The following LENG9 variants were observed in gnomAD, a reference collection of about 807,000 sequenced individuals.
LENG9 encodes leukocyte receptor cluster (LRC) member 9.
For synonymous variants in LENG9, 410 were observed against 303.9 expected, an observed-to-expected ratio of 1.35 and a Z score of -3.63; for missense variants, 872 against 652.7, an observed-to-expected ratio of 1.34 and a Z score of -3.66.
In LENG9 at chr19:54,462,250, G is replaced by A. The variant is rs755494438; in HGVS notation, c.1277C>T (p.Thr426Ile). ...GGAACCATGGGGCACCTTGGCCACGGTGAGGTGGGGGTGCAGCTGCCCTGG... is the reference window on the plus strand; with the variant it reads ...GGAACCATGGGGCACCTTGGCCACGATGAGGTGGGGGTGCAGCTGCCCTGG... ...QSPGQLHPHL[T>I]VAKVPHGSQV... The change falls in exon 1 of 1, where the codon ACC becomes ATC. Residue 426 changes from threonine (T) to isoleucine (I), a missense_variant. Thr to Ile is a moderately conservative substitution (Grantham distance 89). Transcript: ENST00000611161. 6.2e-7 allele frequency: 1 copy of A among 1,612,262 alleles called. No homozygotes were observed. The highest frequency in any genetic ancestry group is 8.5e-7 in the Non-Finnish European group (1 of 1,178,936).
rs763543917 is a variant in LENG9, at chr19:54,462,879, C to A, written c.648G>T (p.Glu216Asp). ...AATCAGCAGCTGTGCCCAGCGCCCT[C>A]TCCTGGGCCGCCTCCAGCTCTCCGG... ...EEPGELEAAQ[E>D]RALGTAADLG... The change falls in exon 1 of 1, where the codon GAG (glutamate) becomes GAT (aspartate). Residue 216 changes from glutamate (E) to aspartate (D), a missense_variant. Physicochemically the swap from Glu to Asp is conservative, Grantham distance 45. Coordinates refer to ENST00000611161, the MANE Select transcript of LENG9 (RefSeq NM_001301782.2). 1.9e-6 allele frequency: 3 copies of A among 1,612,698 alleles called. No individual in the cohort carries two copies. The highest frequency in any genetic ancestry group is 2.2e-5 in the South Asian group (2 of 91,082).
chr19:54,462,276 A>C lies in LENG9; in HGVS notation c.1251T>G (p.Ser417=). 1 of 1,608,090 alleles carries C rather than the reference A, an allele frequency of 6.2e-7. No individual in the cohort carries two copies. The highest frequency in any genetic ancestry group is 8.5e-7 in the Non-Finnish European group (1 of 1,176,514). Residue 417 remains serine, a synonymous_variant, in exon 1 of 1, where the codon TCT becomes TCG. Coordinates refer to ENST00000611161, the MANE Select transcript of LENG9 (RefSeq NM_001301782.2). ...LEAEGLSTLQ[S]PGQLHPHLTV... ...TGAGGTGGGGGTGCAGCTGCCCTGG[A>C]GACTGTAGTGTACTCAGCCCCTCGG...
chr19:54,463,279 G>T lies in LENG9; in HGVS notation c.248C>A (p.Ala83Asp). ...RIRWDPRLDP[A>D]DFSVGYVDRF... ...GTCGACGTAGCCCACCGAGAAGTCGGCGGGGTCGAGGCGCGGGTCCCAGCG... is the reference window on the plus strand; with the variant it reads ...GTCGACGTAGCCCACCGAGAAGTCGTCGGGGTCGAGGCGCGGGTCCCAGCG... The change falls in exon 1 of 1, where the codon GCC (alanine) becomes GAC (aspartate). Residue 83 changes from alanine to aspartate, a missense_variant. Physicochemically the swap from Ala to Asp is moderately radical, Grantham distance 126 (BLOSUM62 -2). Transcript: ENST00000611161. 6.5e-7 allele frequency: 1 copy of T among 1,540,464 alleles called. No individual in the cohort carries two copies.
At position 54,462,686 on chromosome 19, in the gene LENG9, C is replaced by T. The variant is rs369858693; in HGVS notation, c.841G>A (p.Glu281Lys). ...EAEWGPAAWP[E>K]DKRARLSVAA... is the part of the protein sequence containing the mutation. The stretch of plus-strand genomic sequence containing the variant: ...ACACTAAGGCGGGCCCTTTTGTCCT[C>T]GGGCCAGGCCGCAGGACCCCACTCG... The change falls in exon 1 of 1, where the codon GAG (glutamate) becomes AAG (lysine). Residue 281 changes from glutamate (E) to lysine (K), a missense_variant. Glu to Lys is a moderately conservative substitution (Grantham distance 56). Coordinates refer to ENST00000611161, the MANE Select transcript of LENG9 (RefSeq NM_001301782.2). The T allele has an allele frequency of 1.2e-5, 19 of 1,611,162 alleles. No homozygotes were observed. The highest frequency in any genetic ancestry group is 1.0e-4 in the Admixed American group (6 of 59,990).
In LENG9 at chr19:54,462,663, A is replaced by G. The variant is rs140921744; in HGVS notation, c.864T>C (p.Ser288=). The part of the protein sequence containing the change: ...AWPEDKRARL[S]VAAPCQPRPT... ...GGCGCGGTTGGCAAGGGGCTGCAACACTAAGGCGGGCCCTTTTGTCCTCGG... is the reference window on the plus strand; with the variant it reads ...GGCGCGGTTGGCAAGGGGCTGCAACGCTAAGGCGGGCCCTTTTGTCCTCGG... The change falls in exon 1 of 1, where the codon AGT becomes AGC. Residue 288 remains serine (S), a synonymous_variant. Transcript: ENST00000611161. 1.2e-6 allele frequency: 2 copies of G among 1,612,436 alleles called. No individual in the cohort carries two copies. Among genetic ancestry groups the G allele is most frequent in the South Asian group, 2.2e-5 (2 of 91,088 alleles).
In LENG9 at chr19:54,462,309, C is replaced by A; in HGVS notation, c.1218G>T (p.Arg406Ser). 1 of 1,602,898 alleles carries A rather than the reference C, an allele frequency of 6.2e-7. No individual in the cohort carries two copies. Among genetic ancestry groups the A allele is most frequent in the South Asian group, 1.1e-5 (1 of 89,986 alleles). Residue 406 changes from arginine (R) to serine (S), a missense_variant, in exon 1 of 1, where the codon AGG becomes AGT. By Grantham distance (110) the Arg-to-Ser change is moderately radical. Coordinates refer to ENST00000611161, the MANE Select transcript of LENG9 (RefSeq NM_001301782.2). ...GTGTACTCAGCCCCTCGGCTTCCAG[C>A]CTCTGGCTCAGCACTTGTGCCATGC... is the stretch of plus-strand genomic sequence containing the variant. ...LESMAQVLSQ[R>S]LEAEGLSTLQ...
rs2084609802 is a variant in LENG9 at position 54,462,309 on chromosome 19, C to T, written c.1218G>A (p.Arg406=). 4 of 1,602,780 alleles carry T rather than the reference C, an allele frequency of 2.5e-6. No individual in the cohort carries two copies. Among genetic ancestry groups the T allele is most frequent in the African/African-American group, 1.3e-5 (1 of 74,752 alleles). ...LESMAQVLSQ[R]LEAEGLSTLQ... is the part of the protein sequence containing the mutation. ...GTGTACTCAGCCCCTCGGCTTCCAG[C>T]CTCTGGCTCAGCACTTGTGCCATGC... is the stretch of plus-strand genomic sequence containing the variant. The change falls in exon 1 of 1, where the codon AGG becomes AGA. Residue 406 remains arginine, a synonymous_variant. Coordinates refer to ENST00000611161, the MANE Select transcript of LENG9 (RefSeq NM_001301782.2).
At position 54,461,741 on chromosome 19, in the gene LENG9, C is replaced by T; in HGVS notation, c.*349G>A. On this transcript the variant is annotated 3_prime_UTR_variant, in exon 1 of 1. Coordinates refer to ENST00000611161, the MANE Select transcript of LENG9 (RefSeq NM_001301782.2). ...ACCAGCTCACGTCATGTTGCCTTCTCTTTTCTTTGTGTGTGTGTTTATTTA... is the reference window on the plus strand; with the variant it reads ...ACCAGCTCACGTCATGTTGCCTTCTTTTTTCTTTGTGTGTGTGTTTATTTA... 1.9e-6 allele frequency: 1 copy of T among 522,136 alleles called. No individual in the cohort carries two copies. Among genetic ancestry groups the T allele is most frequent in the Admixed American group, 2.3e-5 (1 of 43,882 alleles). The allele number at this position is 522,136 out of a possible 1,614,324, so 32.3% of individuals were successfully genotyped here. A position where few individuals can be genotyped will look rare whatever the true frequency, so the allele number is the denominator to read the frequency against.
rs764174504 is a variant in LENG9 at position 54,463,183 on chromosome 19, G to A, written c.344C>T (p.Pro115Leu). The A allele has an allele frequency of 3.8e-6, 6 of 1,572,746 alleles. No individual in the cohort carries two copies. The African/African-American group carries it at 8.1e-5, about 21-fold the overall frequency. Residue 115 changes from proline to leucine, a missense_variant, in exon 1 of 1, where the codon CCG becomes CTG. By Grantham distance (98) the Pro-to-Leu change is moderately conservative. Coordinates refer to ENST00000611161, the MANE Select transcript of LENG9 (RefSeq NM_001301782.2). ...CWDQPLAALG[P>L]GVLAVPQHRV... is the part of the protein sequence containing the mutation. ...GTGCTGGGGCACTGCCAGCACGCCC[G>A]GCCCGAGCGCCGCCAGCGGCTGGTC... is the stretch of plus-strand genomic sequence containing the variant.
chr19:54,463,182 C>T lies in LENG9; in HGVS notation c.345G>A (p.Pro115=). ...GGTGCTGGGGCACTGCCAGCACGCCCGGCCCGAGCGCCGCCAGCGGCTGGT... is the reference window on the plus strand; with the variant it reads ...GGTGCTGGGGCACTGCCAGCACGCCTGGCCCGAGCGCCGCCAGCGGCTGGT... ...CWDQPLAALG[P]GVLAVPQHRV... is the part of the protein sequence containing the mutation. The change falls in exon 1 of 1, where the codon CCG becomes CCA. Residue 115 remains proline, a synonymous_variant. Coordinates refer to ENST00000611161, the MANE Select transcript of LENG9 (RefSeq NM_001301782.2). 6.4e-7 allele frequency: 1 copy of T among 1,572,636 alleles called. No homozygotes were observed. Among genetic ancestry groups the T allele is most frequent in the African/African-American group, 1.3e-5 (1 of 74,206 alleles).
In LENG9 at chr19:54,462,716, C is replaced by CTGTCGTCTCAGCGGA; in HGVS notation, c.796_810dup (p.Ser266_Thr270dup). The CTGTCGTCTCAGCGGA allele has an allele frequency of 1.2e-6, 2 of 1,610,968 alleles. No individual in the cohort carries two copies. Among genetic ancestry groups the CTGTCGTCTCAGCGGA allele is most frequent in the Non-Finnish European group, 1.7e-6 (2 of 1,180,008 alleles). On this transcript the variant is annotated inframe_insertion, in exon 1 of 1. Transcript: ENST00000611161. ...CAGGCCGCAGGACCCCACTCGGCTTCTGTCGTCTCAGCGGAGCCCCCCGGG... is the reference window on the plus strand; with the variant it reads ...CAGGCCGCAGGACCCCACTCGGCTTCTGTCGTCTCAGCGGATGTCGTCTCAGCGGAGCCCCCCGGG...
rs2084614133 is a variant in LENG9, at chr19:54,462,407, G to A, written c.1120C>T (p.Arg374Trp). The change falls in exon 1 of 1, where the codon CGG (arginine) becomes TGG (tryptophan). Residue 374 changes from arginine (R) to tryptophan (W), a missense_variant. Coordinates refer to ENST00000611161, the MANE Select transcript of LENG9 (RefSeq NM_001301782.2). ...LLAPGLNAPP[R>W]LSFRKLVLLG... The stretch of plus-strand genomic sequence containing the variant: ...AGGACCAGCTTTCTAAAGCTCAGCC[G>A]AGGGGGTGCATTTAGCCCCGGGGCC... 2 of 1,613,270 alleles carry A rather than the reference G, an allele frequency of 1.2e-6. No homozygotes were observed. Among genetic ancestry groups the A allele is most frequent in the Admixed American group, 1.7e-5 (1 of 59,992 alleles).
At position 54,463,171 on chromosome 19, in the gene LENG9, G is replaced by A. The variant is rs369633910; in HGVS notation, c.356C>T (p.Ala119Val). 26 of 1,582,692 alleles carry A rather than the reference G, an allele frequency of 1.6e-5. No individual in the cohort carries two copies. The African/African-American group carries it at 3.2e-4, about 20-fold the overall frequency. The stretch of plus-strand genomic sequence containing the variant: ...GAAGCGCACGCGGTGCTGGGGCACT[G>A]CCAGCACGCCCGGCCCGAGCGCCGC... ...PLAALGPGVL[A>V]VPQHRVRFFR... Residue 119 changes from alanine to valine, a missense_variant, in exon 1 of 1, where the codon GCA (alanine) becomes GTA (valine). Coordinates refer to ENST00000611161, the MANE Select transcript of LENG9 (RefSeq NM_001301782.2).
Position 54,463,277 on chromosome 19 carries a change from C to A in LENG9, c.250G>T (p.Asp84Tyr), listed in dbSNP as rs149393351. The A allele has an allele frequency of 9.9e-3, 15,291 of 1,540,580 alleles. 100 individuals are homozygous for A. The highest frequency in any genetic ancestry group is 0.012 in the Non-Finnish European group (13,801 of 1,149,318). ...IRWDPRLDPA[D>Y]FSVGYVDRFL... Reference sequence around the variant, plus strand: ...CGGTCGACGTAGCCCACCGAGAAGTCGGCGGGGTCGAGGCGCGGGTCCCAG... The same window carrying A: ...CGGTCGACGTAGCCCACCGAGAAGTAGGCGGGGTCGAGGCGCGGGTCCCAG... Residue 84 changes from aspartate (D) to tyrosine (Y), a missense_variant, in exon 1 of 1, where the codon GAC becomes TAC. By Grantham distance (160) the Asp-to-Tyr change is radical. Coordinates refer to ENST00000611161, the MANE Select transcript of LENG9 (RefSeq NM_001301782.2).
rs761114940 is a variant in LENG9 at position 54,462,867 on chromosome 19, G to A, written c.660C>T (p.Gly220=). ...CCAGTGTTCCCAAATCAGCAGCTGT[G>A]CCCAGCGCCCTCTCCTGGGCCGCCT... The part of the protein sequence containing the change: ...ELEAAQERAL[G]TAADLGTLAP... Residue 220 remains glycine (G), a synonymous_variant, in exon 1 of 1, where the codon GGC becomes GGT. Coordinates refer to ENST00000611161, the MANE Select transcript of LENG9 (RefSeq NM_001301782.2). 3 of 1,612,622 alleles carry A rather than the reference G, an allele frequency of 1.9e-6. No individual in the cohort carries two copies. The highest frequency in any genetic ancestry group is 2.2e-5 in the South Asian group (2 of 91,070).
At position 54,463,404 on chromosome 19, in the gene LENG9, G is replaced by C. The variant is rs1174818611; in HGVS notation, c.123C>G (p.Pro41=). 3 of 1,246,814 alleles carry C rather than the reference G, an allele frequency of 2.4e-6. No individual in the cohort carries two copies. Among genetic ancestry groups the C allele is most frequent in the African/African-American group, 3.1e-5 (2 of 63,946 alleles). 77.2% of individuals were successfully genotyped at this position (1,246,814 alleles called of 1,614,324 possible). ...CAGGCGGCGCCGGCGCCCCAGGGTGGGGCTGGCGGCAGCGGGCGCCGAAGC... is the reference window on the plus strand; with the variant it reads ...CAGGCGGCGCCGGCGCCCCAGGGTGCGGCTGGCGGCAGCGGGCGCCGAAGC... The part of the protein sequence containing the change: ...RCRFGARCRQ[P]HPGAPAPPGR... Residue 41 remains proline (P), a synonymous_variant, in exon 1 of 1, where the codon CCC becomes CCG. Coordinates refer to ENST00000611161, the MANE Select transcript of LENG9 (RefSeq NM_001301782.2).
rs1238531606 is a variant in LENG9 at position 54,463,073 on chromosome 19, C to T, written c.454G>A (p.Ala152Thr). The T allele has an allele frequency of 1.2e-6, 2 of 1,601,826 alleles. No individual in the cohort carries two copies. The highest frequency in any genetic ancestry group is 1.7e-5 in the Admixed American group (1 of 59,906). The change falls in exon 1 of 1, where the codon GCG becomes ACG. Residue 152 changes from alanine to threonine, a missense_variant. Coordinates refer to ENST00000611161, the MANE Select transcript of LENG9 (RefSeq NM_001301782.2). ...TCCAGGATGGTGGGCCCGCGTCCCG[C>T]CGCCGAGCCAGAGCCAAAGACGAGG... is the stretch of plus-strand genomic sequence containing the variant. ...TDLVFGSGSAAGRGPTILDAP... is the reference protein window; with the variant it reads ...TDLVFGSGSATGRGPTILDAP...
Position 54,463,621 on chromosome 19 carries a change from C to A in LENG9, c.-95G>T. The stretch of plus-strand genomic sequence containing the variant: ...TGCACCGAGCCTCACCCGACAGTGG[C>A]GTCAGCGGCCCGCGCTCCGGCCTAG... On this transcript the variant is annotated 5_prime_UTR_variant, in exon 1 of 1. Coordinates refer to ENST00000611161, the MANE Select transcript of LENG9 (RefSeq NM_001301782.2). 1 of 1,262,956 alleles carries A rather than the reference C, an allele frequency of 7.9e-7. No individual in the cohort carries two copies. The highest frequency in any genetic ancestry group is 1.0e-6 in the Non-Finnish European group (1 of 998,156). The allele number at this position is 1,262,956 out of a possible 1,614,324, so 78.2% of individuals were successfully genotyped here. A position where few individuals can be genotyped will look rare whatever the true frequency, so the allele number is the denominator to read the frequency against.
chr19:54,462,784 C>G lies in LENG9; in HGVS notation c.743G>C (p.Arg248Thr). Residue 248 changes from arginine (R) to threonine (T), a missense_variant, in exon 1 of 1, where the codon AGG (arginine) becomes ACG (threonine). By Grantham distance (71) the Arg-to-Thr change is moderately conservative. Coordinates refer to ENST00000611161, the MANE Select transcript of LENG9 (RefSeq NM_001301782.2). ...TTCCTTGCCCCCCAGCAATGTGGTC[C>G]TGGTGGCTGCTGTTGGCTTCAGTGC... ...TEALKPTAATRTTLLGGKEAQ... is the reference protein window; with the variant it reads ...TEALKPTAATTTTLLGGKEAQ... 6.2e-7 allele frequency: 1 copy of G among 1,603,444 alleles called. No individual in the cohort carries two copies. Among genetic ancestry groups the G allele is most frequent in the African/African-American group, 1.4e-5 (1 of 71,472 alleles).
Sources: allele counts gnomAD v4.1 joint callset, GRCh38; gene constraint gnomAD v4.1.1; transcripts MANE v1.5; gene names NCBI Gene and HGNC (gene_info 2026-07-23, HGNC 2026-07-21).